Variants in LGR4 observed in about 807,000 individuals in gnomAD.
LGR4 encodes leucine rich repeat containing G protein-coupled receptor 4.
LGR4 carries 44 observed loss-of-function variants against 84.8 expected under a neutral mutation model. The observed-to-expected ratio is 0.52, with a 90% CI of 0.41 to 0.67. The LOEUF (loss-of-function observed/expected upper bound fraction) is 0.67, where lower values mean the gene tolerates loss of function less well. Ranked by LOEUF, LGR4 falls within the 30% of genes least tolerant of loss-of-function variation. The probability of loss-of-function intolerance (pLI) is 0.00; values close to 1 mark genes in which losing one functional copy is unlikely to be tolerated. For synonymous variants in LGR4, 429 were observed against 434.3 expected (o/e 0.99, Z 0.15); for missense variants, 1,032 against 1,131.4 (o/e 0.91, Z 1.26).
intron 4 of LGR4, among the ~76,000 whole-genome samples, chr11:27,387,065 G>A (rs1411513115): frequency 6.6e-6 from 1 of 152,008 alleles, no homozygotes; most frequent in Non-Finnish European, 1.5e-5. Context: ...CACCCCTCAT[G>A]GAACTTTTCC....
intron 2 of LGR4, among the ~76,000 whole-genome samples, chr11:27,404,517 T>C (rs1863565493): frequency 1.3e-5 from 2 of 152,204 alleles, no homozygotes; most frequent in Non-Finnish European, 2.9e-5. Flanking sequence ...CCCTAGATCC[T>C]AGTGGCCAGT....
chr11:27,428,446 C>T (rs574812707), intron 1 of LGR4, among the ~76,000 whole-genome samples: 7 of 152,050 alleles, frequency 4.6e-5, no homozygotes, highest in Non-Finnish European at 8.8e-5. Flanking sequence ...GCCTATCTTG[C>T]GCTCTTTTTG....
intron 1 of LGR4, among the ~76,000 whole-genome samples, chr11:27,433,620 AC>A (rs1209578059): frequency 2.0e-5 from 3 of 152,082 alleles, no homozygotes; most frequent in African/African-American, 7.2e-5. Context: ...TATAGTTTAT[AC>A]CCTATTATCA....
At chr11:27,466,555 G>A (rs1388649862) in intron 1 of LGR4, among the ~76,000 whole-genome samples, 1 of 152,192 alleles carries the variant, frequency 6.6e-6, no homozygotes, top group Non-Finnish European at 1.5e-5. Context: ...CCAAGAATAT[G>A]CCTAAACTTG....
chr11:27,385,480 A>C lies in LGR4; in HGVS notation c.402-12T>G, dbSNP rs1316660750. 1.3e-6 allele frequency: 2 copies of C among 1,557,604 alleles called. No homozygotes were observed. The highest frequency in any genetic ancestry group is 2.7e-5 in the African/African-American group (2 of 73,822). ...TGGCATCTAAACGCCTAACAGAAACAAAAACAACCATGTTCAGTAACAAAT... is the reference window on the plus strand; with the variant it reads ...TGGCATCTAAACGCCTAACAGAAACCAAAACAACCATGTTCAGTAACAAAT... On this transcript the variant is annotated splice_polypyrimidine_tract_variant and intron_variant, in intron 4 of 17. Transcript: ENST00000379214.
chr11:27,467,577 A>AC lies in LGR4; in HGVS notation c.185+4540_185+4541insG, dbSNP rs1269098043. 7.3e-5 allele frequency among the ~76,000 whole-genome samples: 9 copies of AC among 122,600 alleles called. No homozygotes were observed. The South Asian group carries it at 1.4e-3, about 19-fold the overall frequency. 80.4% of individuals were successfully genotyped at this position (122,600 alleles called of 152,430 possible). Reference sequence around the variant, plus strand: ...GCAAGAGTCCGTCTCAAAAAAAAAAAAAAAATCAAATTAAATAGAGAACAA... The same window carrying AC: ...GCAAGAGTCCGTCTCAAAAAAAAAAACAAAAATCAAATTAAATAGAGAACAA... On this transcript the variant is annotated intron_variant, in intron 1 of 17. Coordinates refer to ENST00000379214, the MANE Select transcript of LGR4 (RefSeq NM_018490.5).
At chr11:27,445,991 G>T (rs1864382288) in intron 1 of LGR4, among the ~76,000 whole-genome samples, 1 of 152,106 alleles carries the variant, frequency 6.6e-6, no homozygotes, top group Admixed American at 6.6e-5. Flanking sequence ...AATATCGAAA[G>T]ACAATCTGTC....
In LGR4 at chr11:27,377,241, T is replaced by A; in HGVS notation, c.1044-18A>T. 7.8e-7 allele frequency: 1 copy of A among 1,278,384 alleles called. No individual in the cohort carries two copies. The highest frequency in any genetic ancestry group is 1.1e-6 in the Non-Finnish European group (1 of 886,496). 79.2% of individuals were successfully genotyped at this position (1,278,384 alleles called of 1,614,324 possible). On this transcript the variant is annotated intron_variant, in intron 11 of 17. Coordinates refer to ENST00000379214, the MANE Select transcript of LGR4 (RefSeq NM_018490.5). Reference sequence around the variant, plus strand: ...ACAAGTCCCTTAAAACAATGGAAATTAACAAATTAATGCTATGTTATCAGA... The same window carrying A: ...ACAAGTCCCTTAAAACAATGGAAATAAACAAATTAATGCTATGTTATCAGA...
At chr11:27,371,739 G>A (rs1181392063) in intron 16 of LGR4, 41 bp from the exon 17 acceptor site, 2 of 1,446,560 alleles carry the variant, frequency 1.4e-6, no homozygotes, top group East Asian at 2.3e-5. Flanking sequence ...AAAACCTTAT[G>A]CAACTCAAAA....
chr11:27,377,564 T>C (rs984923020), intron 11 of LGR4, among the ~76,000 whole-genome samples: 3 of 151,800 alleles, frequency 2.0e-5, no homozygotes, highest in Non-Finnish European at 4.4e-5. Context: ...AAAATTTAAG[T>C]GGTAAAGCTA....
chr11:27,375,618 A>T (rs953716970), intron 13 of LGR4, among the ~76,000 whole-genome samples: 1 of 152,212 alleles, frequency 6.6e-6, no homozygotes, highest in Non-Finnish European at 1.5e-5. Context: ...CAACTACTCA[A>T]TTCTGCTATA....
chr11:27,429,578 C>T (rs191716468), intron 1 of LGR4, among the ~76,000 whole-genome samples: 6 of 151,936 alleles, frequency 3.9e-5, no homozygotes, highest in Non-Finnish European at 7.4e-5. Flanking sequence ...AGAAAAGCTT[C>T]CAGGATAGAA....
intron 1 of LGR4, among the ~76,000 whole-genome samples, chr11:27,452,543 G>GTGGTC (rs1864497574): frequency 6.7e-6 from 1 of 150,154 alleles, no homozygotes; most frequent in African/African-American, 2.4e-5. Flanking sequence ...TCCAACCCTA[G>GTGGTC]CAACCACTGG....
rs1864901829 is a variant in LGR4, at chr11:27,472,566, C to T, written c.-264G>A. 3 of 379,002 alleles carry T rather than the reference C, an allele frequency of 7.9e-6. No individual in the cohort carries two copies. Among genetic ancestry groups the T allele is most frequent in the Non-Finnish European group, 1.4e-5 (3 of 213,386 alleles). The allele number at this position is 379,002 out of a possible 1,614,324, so 23.5% of individuals were successfully genotyped here. On this transcript the variant is annotated 5_prime_UTR_variant, in exon 1 of 18. Coordinates refer to ENST00000379214, the MANE Select transcript of LGR4 (RefSeq NM_018490.5). ...GCGGCTCACGCCAGCCGGGCCGGCCCGGCGCAGCGGCGGGGGCCGCGCTCT... is the reference window on the plus strand; with the variant it reads ...GCGGCTCACGCCAGCCGGGCCGGCCTGGCGCAGCGGCGGGGGCCGCGCTCT...
rs1172779197 is a variant in LGR4 at position 27,373,653 on chromosome 11, G to T, written c.1277C>A (p.Thr426Asn). The T allele has an allele frequency of 6.3e-7, 1 of 1,583,700 alleles. No individual in the cohort carries two copies. The highest frequency in any genetic ancestry group is 8.6e-7 in the Non-Finnish European group (1 of 1,163,686). ...ATTCAGGCCTTCCGTAGGAAAGGAA[G>T]TTAATTCATTGAAACTTACATCTCT... ...TNLDVSFNEL[T>N]SFPTEGLNGL... The change falls in exon 15 of 18, where the codon ACT (threonine) becomes AAT (asparagine). Residue 426 changes from threonine to asparagine, a missense_variant. By Grantham distance (65) the Thr-to-Asn change is moderately conservative. Coordinates refer to ENST00000379214, the MANE Select transcript of LGR4 (RefSeq NM_018490.5).
chr11:27,375,183 T>C (rs1285450337), intron 13 of LGR4, among the ~76,000 whole-genome samples: 2 of 149,950 alleles, frequency 1.3e-5, no homozygotes, highest in African/African-American at 4.9e-5. Context: ...GTCCCTCAGC[T>C]ATTCAGGAGG....
intron 1 of LGR4, among the ~76,000 whole-genome samples, chr11:27,414,304 A>G (rs1863770726): frequency 6.6e-6 from 1 of 152,080 alleles, no homozygotes; most frequent in African/African-American, 2.4e-5. Context: ...AGTCCCATCA[A>G]GCTTAAAAAC....
intron 1 of LGR4, among the ~76,000 whole-genome samples, chr11:27,456,644 G>A (rs988223185): frequency 6.6e-6 from 1 of 152,000 alleles, no homozygotes; most frequent in South Asian, 2.1e-4. Flanking sequence ...TGAAGTCCAC[G>A]GAAGAAAGAA....
intron 1 of LGR4, among the ~76,000 whole-genome samples, chr11:27,433,698 T>C (rs1017194358): frequency 6.6e-6 from 1 of 152,258 alleles, no homozygotes; most frequent in Non-Finnish European, 1.5e-5. Flanking sequence ...ATTCTATTCC[T>C]GTGCAAGTTC....
Sources: allele counts gnomAD v4.1 joint callset (sites outside exome capture counted in the v4.1 genomes callset), GRCh38; gene constraint gnomAD v4.1.1; transcripts MANE v1.5; gene names NCBI Gene and HGNC (gene_info 2026-07-23, HGNC 2026-07-21).